GAB1: variants seen among roughly 807,000 people sequenced by gnomAD.
GAB1 encodes GRB2 associated binding protein 1, also known as GRB2-associated-binding protein 1.
Under a neutral mutation model 66.5 loss-of-function variants are expected in GAB1, and 19 were observed. The ratio of observed to expected loss-of-function variants is 0.29; its 90% CI spans 0.20 to 0.42. The LOEUF is 0.42. Ranked by LOEUF, GAB1 falls within the 10% of genes least tolerant of loss-of-function variation. The pLI is 1.00. For synonymous variants in GAB1, 294 were observed against 301.4 expected (o/e 0.98, Z 0.25); for missense variants, 732 against 858.5 (o/e 0.85, Z 1.84).
chr4:143,413,257 A>G (rs1462202599), intron 1 of GAB1, among the ~76,000 whole-genome samples: 1 of 152,180 alleles, frequency 6.6e-6, no homozygotes, highest in Non-Finnish European at 1.5e-5. Context: ...TTGAGAGGGA[A>G]GTATCCATAG....
intron 1 of GAB1, among the ~76,000 whole-genome samples, chr4:143,379,654 T>G (rs1730571770): frequency 6.6e-6 from 1 of 152,094 alleles, no homozygotes; most frequent in Non-Finnish European, 1.5e-5. Context: ...TGCAGTGATC[T>G]CCACTCACTG....
chr4:143,347,165 A>G (rs1310952614), intron 1 of GAB1, among the ~76,000 whole-genome samples: 2 of 152,212 alleles, frequency 1.3e-5, no homozygotes, highest in South Asian at 2.1e-4. Flanking sequence ...CAGAGATGGC[A>G]TTTGTTCTCT....
intron 1 of GAB1, among the ~76,000 whole-genome samples, chr4:143,400,629 G>A (rs1731719077): frequency 6.6e-6 from 1 of 152,048 alleles, no homozygotes; most frequent in Admixed American, 6.6e-5. Context: ...TACCAAAAAT[G>A]TATTTACTTC....
intron 4 of GAB1, 70 bp downstream of exon 4, chr4:143,438,670 C>A: frequency 6.7e-7 from 1 of 1,486,604 alleles, no homozygotes; most frequent in Non-Finnish European, 9.1e-7. Context: ...AATATTTGTT[C>A]TTTTAAGCGT....
intron 2 of GAB1, among the ~76,000 whole-genome samples, chr4:143,421,276 A>G (rs1422172146): frequency 1.3e-5 from 2 of 152,282 alleles, no homozygotes; most frequent in South Asian, 2.1e-4. Context: ...GTGTGAATAT[A>G]TCACAAATTG....
intron 1 of GAB1, among the ~76,000 whole-genome samples, chr4:143,385,066 T>A (rs1401827570): frequency 6.6e-6 from 1 of 152,162 alleles, no homozygotes; most frequent in Non-Finnish European, 1.5e-5. Context: ...AATGAACATA[T>A]CTGAGAGTCC....
At chr4:143,421,635 A>G (rs1733020402) in intron 2 of GAB1, among the ~76,000 whole-genome samples, 1 of 146,826 alleles carries the variant, frequency 6.8e-6, no homozygotes, top group South Asian at 2.2e-4. Context: ...TTTCCTGAGA[A>G]CCAATTCAAC....
At chr4:143,346,538 CT>C (rs1441170351) in intron 1 of GAB1, among the ~76,000 whole-genome samples, 1 of 152,122 alleles carries the variant, frequency 6.6e-6, no homozygotes, top group Non-Finnish European at 1.5e-5. Context: ...TAATCTTTGA[CT>C]TTTGTAAGAG....
intron 2 of GAB1, among the ~76,000 whole-genome samples, chr4:143,423,971 G>T (rs892932957): frequency 6.6e-6 from 1 of 151,350 alleles, no homozygotes; most frequent in South Asian, 2.1e-4. Context: ...TTACAGGTGG[G>T]AGAAGTGGAA....
chr4:143,368,122 C>T (rs903559528), intron 1 of GAB1, among the ~76,000 whole-genome samples: 1 of 151,454 alleles, frequency 6.6e-6, no homozygotes, highest in Non-Finnish European at 1.5e-5. Context: ...TTTTTAGTCA[C>T]ATCCACAGGC....
Position 143,472,397 on chromosome 4 carries a change from A to T in GAB1, c.*3208A>T, listed in dbSNP as rs1044843165. On this transcript the variant is annotated 3_prime_UTR_variant, in exon 10 of 10. Coordinates refer to ENST00000262994, the MANE Select transcript of GAB1 (RefSeq NM_002039.4). ...ACTCTTTTATATTTAATTAATGGGG[A>T]TTATAGTCTTCCTTCATAAATGCAT... 2.6e-5 allele frequency: 4 copies of T among 152,114 alleles called. No individual in the cohort carries two copies. The highest frequency in any genetic ancestry group is 4.8e-5 in the African/African-American group (2 of 41,434). The allele number at this position is 152,114 out of a possible 1,614,324, so 9.4% of individuals were successfully genotyped here. A position where few individuals can be genotyped will look rare whatever the true frequency, so the allele number is the denominator to read the frequency against.
At chr4:143,390,274 G>A (rs753331076) in intron 1 of GAB1, among the ~76,000 whole-genome samples, 6 of 151,954 alleles carry the variant, frequency 3.9e-5, no homozygotes, top group African/African-American at 1.2e-4. Context: ...AAGATTAAGG[G>A]TGTTTGTGGG....
intron 2 of GAB1, chr4:143,425,481 G>A (rs1560760719): frequency 1.2e-5 from 9 of 761,164 alleles, no homozygotes; most frequent in Non-Finnish European, 1.7e-5. Flanking sequence ...ACCTACCATT[G>A]CTCTGTGTAA....
rs551956912 is a variant in GAB1, at chr4:143,434,899, C to T, written c.593+1183C>T. ...GTTGTTTTACTATTTTTAAAAGGAG[C>T]AGAAAAATGATGATTGAGAGGCCAA... is the stretch of plus-strand genomic sequence containing the variant. On this transcript the variant is annotated intron_variant, in intron 3 of 9. Coordinates refer to ENST00000262994, the MANE Select transcript of GAB1 (RefSeq NM_002039.4). Among the ~76,000 whole-genome samples the T allele has an allele frequency of 1.6e-3, 237 of 152,178 alleles. 1 individual carries two copies. The highest frequency in any genetic ancestry group is 5.4e-3 in the African/African-American group (224 of 41,514).
At chr4:143,394,406 C>G (rs1437962783) in intron 1 of GAB1, among the ~76,000 whole-genome samples, 1 of 152,206 alleles carries the variant, frequency 6.6e-6, no homozygotes, top group African/African-American at 2.4e-5. Context: ...CTCAGTTAAT[C>G]TGTGTGTCCA....
chr4:143,448,376 T>C (rs370033305), intron 6 of GAB1, among the ~76,000 whole-genome samples: 1 of 151,802 alleles, frequency 6.6e-6, no homozygotes, highest in East Asian at 1.9e-4. Context: ...GTACCAGTTC[T>C]TCCTTGTACC....
chr4:143,465,297 G>A (rs1735723250), intron 8 of GAB1, among the ~76,000 whole-genome samples: 1 of 152,112 alleles, frequency 6.6e-6, no homozygotes, highest in Admixed American at 6.5e-5. Flanking sequence ...TGTTCCTGCT[G>A]TTTATCGCTG....
intron 1 of GAB1, among the ~76,000 whole-genome samples, chr4:143,345,666 G>A (rs1038969389): frequency 2.0e-5 from 3 of 152,192 alleles, no homozygotes; most frequent in Admixed American, 2.0e-4. Context: ...AGTGAGAGGA[G>A]GCCATCCTCC....
intron 1 of GAB1, chr4:143,395,633 C>T: frequency 3.6e-6 from 1 of 277,132 alleles, no homozygotes. Context: ...TGTAACTCTC[C>T]CTAAAATGTT....
Sources: allele counts gnomAD v4.1 joint callset (sites outside exome capture counted in the v4.1 genomes callset), GRCh38; gene constraint gnomAD v4.1.1; transcripts MANE v1.5; gene names NCBI Gene and HGNC (gene_info 2026-07-23, HGNC 2026-07-21).